The following FTO variants were observed in gnomAD, a reference collection of about 807,000 sequenced individuals.
The protein encoded by FTO is FTO alpha-ketoglutarate dependent dioxygenase.
In FTO, 47 loss-of-function variants were observed where a neutral mutation model predicts 63.9. The ratio of observed to expected loss-of-function variants is 0.74; its 90% confidence interval spans 0.58 to 0.94. The LOEUF is 0.94. Among genes scored for constraint, FTO ranks in the 40% least tolerant of loss-of-function variants. FTO has a pLI of 0.00. For synonymous variants in FTO, 207 were observed against 224.4 expected, an observed-to-expected ratio of 0.92 and a Z score of 0.69; for missense variants, 562 against 618.1, an observed-to-expected ratio of 0.91 and a Z score of 0.96.
At chr16:53,878,644 T>C (rs554838663) in intron 5 of FTO, among the ~76,000 whole-genome samples, 4 of 152,334 alleles carry the variant, frequency 2.6e-5, no homozygotes, top group Admixed American at 6.5e-5. Context: ...ATTTTCCTCA[T>C]TGGGACTGAA....
chr16:54,070,921 T>TA (rs1429573854), intron 8 of FTO: 2 of 152,210 alleles, frequency 1.3e-5, no homozygotes, highest in Non-Finnish European at 1.5e-5. Flanking sequence ...CAACACATCT[T>TA]ACAACTGTCC....
chr16:54,029,123 A>G (rs1476567084), intron 8 of FTO, among the ~76,000 whole-genome samples: 1 of 152,216 alleles, frequency 6.6e-6, no homozygotes, highest in African/African-American at 2.4e-5. Flanking sequence ...CTTTCTCTCA[A>G]GGCTTCACTT....
intron 3 of FTO, among the ~76,000 whole-genome samples, chr16:53,828,502 C>T (rs554471321): frequency 2.8e-4 from 43 of 152,282 alleles, no homozygotes; most frequent in South Asian, 6.2e-4. Flanking sequence ...CCACCATGCC[C>T]GGCCTCCTTT....
intron 8 of FTO, among the ~76,000 whole-genome samples, chr16:54,051,588 C>A (rs77448712): frequency 0.014 from 2,063 of 152,328 alleles, 42 homozygotes; most frequent in African/African-American, 0.047. Context: ...TTTTCCTCCC[C>A]CCTCAGTTTC....
At chr16:53,884,806 A>G (rs2080955045) in intron 6 of FTO, among the ~76,000 whole-genome samples, 1 of 152,156 alleles carries the variant, frequency 6.6e-6, no homozygotes. Flanking sequence ...CATTAAGTGC[A>G]TGTTCAAAAT....
intron 1 of FTO, among the ~76,000 whole-genome samples, chr16:53,742,288 C>T (rs899779440): frequency 2.6e-5 from 4 of 152,106 alleles, no homozygotes; most frequent in Non-Finnish European, 2.9e-5. Context: ...CAGGAAGGGT[C>T]AATACCAGCC....
intron 8 of FTO, among the ~76,000 whole-genome samples, chr16:53,942,067 C>T (rs1016018507): frequency 1.5e-4 from 23 of 152,148 alleles, no homozygotes; most frequent in African/African-American, 5.6e-4. Context: ...AGAGGAATGA[C>T]CACTTGTGAT....
intron 8 of FTO, among the ~76,000 whole-genome samples, chr16:54,049,966 A>G (rs2085276234): frequency 6.6e-6 from 1 of 152,204 alleles, no homozygotes; most frequent in Non-Finnish European, 1.5e-5. Flanking sequence ...TGTGAAAACA[A>G]TCTGGCTGTT....
At chr16:53,744,950 G>A (rs2151551342) in intron 1 of FTO, among the ~76,000 whole-genome samples, 1 of 152,130 alleles carries the variant, frequency 6.6e-6, no homozygotes, top group South Asian at 2.1e-4. Context: ...TCATTATCAT[G>A]ATAAATATTA....
chr16:53,952,157 T>C (rs1261605088), intron 8 of FTO, among the ~76,000 whole-genome samples: 1 of 152,144 alleles, frequency 6.6e-6, no homozygotes, highest in East Asian at 1.9e-4. Flanking sequence ...ATTTTATAGT[T>C]AAGGTGACTA....
intron 1 of FTO, chr16:53,711,382 C>G (rs977638557): frequency 5.0e-6 from 2 of 398,282 alleles, no homozygotes; most frequent in Admixed American, 8.8e-5. Context: ...GATTAAGTGT[C>G]GAGTAGTGTA....
intron 4 of FTO, among the ~76,000 whole-genome samples, chr16:53,849,572 T>C (rs1017995167): frequency 6.6e-6 from 1 of 152,234 alleles, no homozygotes; most frequent in African/African-American, 2.4e-5. Context: ...AGCCCTGTAG[T>C]AATCAGTCTT....
chr16:53,877,418 C>T (rs918126313), intron 5 of FTO, among the ~76,000 whole-genome samples: 3 of 152,070 alleles, frequency 2.0e-5, no homozygotes, highest in Non-Finnish European at 2.9e-5. Flanking sequence ...TGAAAACATA[C>T]GAAATGGAAG....
intron 8 of FTO, among the ~76,000 whole-genome samples, chr16:53,947,697 A>G (rs866393548): frequency 2.6e-5 from 4 of 152,134 alleles, no homozygotes; most frequent in Admixed American, 6.5e-5. Context: ...CTCCTTTTCT[A>G]TTTCCTCACA....
chr16:53,760,525 C>T (rs996982537), intron 1 of FTO, among the ~76,000 whole-genome samples: 7 of 151,650 alleles, frequency 4.6e-5, no homozygotes, highest in East Asian at 1.9e-4. Flanking sequence ...GGATTACAGG[C>T]GTGAGCCACC....
rs575883122 is a variant in FTO, at chr16:53,704,213, G to A, written c.29G>A (p.Arg10Gln). 7 of 1,551,510 alleles carry A rather than the reference G, an allele frequency of 4.5e-6. No individual in the cohort carries two copies. Among genetic ancestry groups the A allele is most frequent in the East Asian group, 2.4e-5 (1 of 40,910 alleles). The change falls in exon 1 of 9, where the codon CGA becomes CAA. Residue 10 changes from arginine to glutamine, a missense_variant. Physicochemically the swap from Arg to Gln is conservative, Grantham distance 43 (BLOSUM62 1). Transcript: ENST00000471389. ...AAGCGCACCCCGACTGCCGAGGAAC[G>A]AGAGCGCGAAGCTAAGGTATGTCGG... MKRTPTAEE[R>Q]EREAKKLRLL...
Position 54,111,761 on chromosome 16 carries a change from G to A in FTO, c.1365-1G>A. ...TTAATTTCCTATTTTTACTCTTCCA[G>A]GTGCCAGTCACGAATTGCCCGAACA... On this transcript the variant is annotated splice_acceptor_variant, in intron 8 of 8. Coordinates refer to ENST00000471389, the MANE Select transcript of FTO (RefSeq NM_001080432.3). LOFTEE classifies it high-confidence loss of function. 2.5e-6 allele frequency: 4 copies of A among 1,614,122 alleles called. No homozygotes were observed. The highest frequency in any genetic ancestry group is 3.4e-6 in the Non-Finnish European group (4 of 1,180,004).
chr16:54,051,782 T>A (rs1078013), intron 8 of FTO, among the ~76,000 whole-genome samples: 34,502 of 152,204 alleles, frequency 0.23, 5,501 homozygotes, highest in African/African-American at 0.45. Flanking sequence ...TCTTTTGTCT[T>A]ATGTGCCCTT....
In FTO at chr16:54,112,613, A is replaced by T. The variant is rs2086914429; in HGVS notation, c.*698A>T. Reference sequence around the variant, plus strand: ...CTATCCCCAAAGGCAAAGAAACTAAAAGAGAAATGACTCATTGAAGATTGG... The same window carrying T: ...CTATCCCCAAAGGCAAAGAAACTAATAGAGAAATGACTCATTGAAGATTGG... On this transcript the variant is annotated 3_prime_UTR_variant, in exon 9 of 9. Transcript: ENST00000471389. 6.6e-6 allele frequency: 1 copy of T among 152,414 alleles called. No individual in the cohort carries two copies. The highest frequency in any genetic ancestry group is 6.5e-5 in the Admixed American group (1 of 15,306). The allele number at this position is 152,414 out of a possible 1,614,324, so 9.4% of individuals were successfully genotyped here.
Sources: gnomAD v4.1 joint callset for allele counts (sites outside exome capture counted in the v4.1 genomes callset) on GRCh38, gnomAD v4.1.1 for gene constraint, MANE v1.5 for transcripts, NCBI Gene and HGNC (gene_info 2026-07-23, HGNC 2026-07-21) for gene names.